Variants in CHST8 observed in about 807,000 individuals in gnomAD.
CHST8 encodes the protein carbohydrate sulfotransferase 8, also known as GALNAC-4-ST1.
CHST8 carries 10 observed loss-of-function variants against 15.0 expected under a neutral mutation model. The observed-to-expected ratio is 0.67, with a 90% CI of 0.41 to 1.13. The LOEUF is 1.13. CHST8 is among the 50% of genes most tolerant of loss of function. CHST8 has a pLI of 0.00. For missense variants in CHST8, 634 were observed against 608.2 expected (o/e 1.04, Z -0.45); for synonymous variants, 259 against 256.6 (o/e 1.01, Z -0.09).
chr19:33,728,903 T>C (rs1234137792), intron 3 of CHST8, among the ~76,000 whole-genome samples: 1 of 152,180 alleles, frequency 6.6e-6, no homozygotes, highest in Non-Finnish European at 1.5e-5. Context: ...GTGAGCTCCA[T>C]AGGGTGCTGC....
At chr19:33,655,354 T>A (rs1972498506) in intron 1 of CHST8, among the ~76,000 whole-genome samples, 1 of 152,174 alleles carries the variant, frequency 6.6e-6, no homozygotes, top group African/African-American at 2.4e-5. Flanking sequence ...TCCTTTTATT[T>A]AGGATTTTTG....
At chr19:33,730,439 C>T (rs772940858) in intron 3 of CHST8, among the ~76,000 whole-genome samples, 3 of 152,314 alleles carry the variant, frequency 2.0e-5, no homozygotes, top group South Asian at 2.1e-4. Context: ...ACAGGGACCA[C>T]GCTAAGCTCA....
chr19:33,644,300 A>G (rs1038223574), intron 1 of CHST8, among the ~76,000 whole-genome samples: 2 of 152,192 alleles, frequency 1.3e-5, no homozygotes, highest in African/African-American at 4.8e-5. Context: ...ATATTTATGG[A>G]GAACAAAGTG....
At chr19:33,697,180 C>T (rs969858147) in intron 3 of CHST8, among the ~76,000 whole-genome samples, 1 of 151,814 alleles carries the variant, frequency 6.6e-6, no homozygotes, top group African/African-American at 2.4e-5. Context: ...ATGTCCTGTG[C>T]CCACTTTTTG....
chr19:33,748,670 G>T (rs920211025), intron 3 of CHST8, among the ~76,000 whole-genome samples: 1 of 152,138 alleles, frequency 6.6e-6, no homozygotes, highest in Non-Finnish European at 1.5e-5. Flanking sequence ...GTCCTCTATT[G>T]CAGGAGACGC....
intron 3 of CHST8, among the ~76,000 whole-genome samples, chr19:33,727,658 C>G (rs1973926325): frequency 6.6e-6 from 1 of 152,188 alleles, no homozygotes; most frequent in African/African-American, 2.4e-5. Flanking sequence ...TTCCTCCAGG[C>G]CCCCCGGAAG....
chr19:33,729,806 G>A (rs746554337), intron 3 of CHST8, among the ~76,000 whole-genome samples: 7 of 152,222 alleles, frequency 4.6e-5, no homozygotes, highest in South Asian at 2.1e-4. Context: ...GTGGGCTGAA[G>A]GATAGAGATT....
Position 33,719,056 on chromosome 19 carries a change from T to A in CHST8, c.130+29665T>A, listed in dbSNP as rs577756592. ...CTCCCGGGACTGGGTGTGCCCAGCC[T>A]CCTCTCCCCCACCCCCCTGCCAGTG... is the stretch of plus-strand genomic sequence containing the variant. On this transcript the variant is annotated intron_variant, in intron 3 of 4. Transcript: ENST00000650847. Among the ~76,000 whole-genome samples, 13 of 151,894 alleles carry A rather than the reference T, an allele frequency of 8.6e-5. No homozygotes were observed. The East Asian group carries it at 2.5e-3, about 29-fold the overall frequency.
rs763630529 is a variant in CHST8, at chr19:33,771,486, C to T, written c.168+36C>T. On this transcript the variant is annotated intron_variant, in intron 4 of 4. Transcript: ENST00000650847. ...AGAGTCAGATAAATCTCAGTGCACA[C>T]AGCCCTTGGGAAACTGGGGAGGGCT... The T allele has an allele frequency of 8.7e-6, 14 of 1,608,408 alleles. 1 individual carries two copies. The highest frequency in any genetic ancestry group is 1.6e-4 in the Middle Eastern group (1 of 6,078).
At position 33,687,288 on chromosome 19, in the gene CHST8, C is replaced by G. The variant is rs150712958; in HGVS notation, c.-86-1888C>G. Among the ~76,000 whole-genome samples, 786 of 152,348 alleles carry G rather than the reference C, an allele frequency of 5.2e-3. 6 individuals are homozygous for G. Among genetic ancestry groups the G allele is most frequent in the African/African-American group, 0.017 (708 of 41,580 alleles). On this transcript the variant is annotated intron_variant, in intron 2 of 4. Coordinates refer to ENST00000650847, the MANE Select transcript of CHST8 (RefSeq NM_001127895.2). ...GTGAACCCCAGGTCCTCAGGATGGC[C>G]TCATCCAGGGCAGCCATGGAGAGAG...
chr19:33,643,378 CT>C (rs1972308255), intron 1 of CHST8, among the ~76,000 whole-genome samples: 1 of 152,146 alleles, frequency 6.6e-6, no homozygotes, highest in African/African-American at 2.4e-5. Flanking sequence ...AAAAAAAAGG[CT>C]TTTAACAAAT....
intron 1 of CHST8, among the ~76,000 whole-genome samples, chr19:33,645,711 T>C (rs1400866596): frequency 2.6e-5 from 4 of 152,192 alleles, no homozygotes; most frequent in Admixed American, 6.5e-5. Flanking sequence ...TGGTTGGATA[T>C]ACAAGTTTGG....
chr19:33,696,933 C>T (rs989964996), intron 3 of CHST8, among the ~76,000 whole-genome samples: 8 of 151,780 alleles, frequency 5.3e-5, no homozygotes, highest in African/African-American at 1.2e-4. Context: ...CTCTGCCTCC[C>T]GGGTTCAAGC....
At chr19:33,730,165 T>C (rs1973969176) in intron 3 of CHST8, among the ~76,000 whole-genome samples, 1 of 152,166 alleles carries the variant, frequency 6.6e-6, no homozygotes, top group Admixed American at 6.5e-5. Context: ...GATTGATGCT[T>C]AATTATAACT....
intron 1 of CHST8, among the ~76,000 whole-genome samples, chr19:33,657,156 C>CACACACACACAA (rs756944119): frequency 0.032 from 4,754 of 146,440 alleles, 87 homozygotes; most frequent in Non-Finnish European, 0.038. Context: ...CACACACACA[C>CACACACACACAA]AAACACACAT....
intron 2 of CHST8, among the ~76,000 whole-genome samples, chr19:33,679,604 G>A (rs924195125): frequency 6.6e-6 from 1 of 152,216 alleles, no homozygotes; most frequent in African/African-American, 2.4e-5. Flanking sequence ...TCAGACCTTC[G>A]TGTCTCAGTA....
intron 3 of CHST8, among the ~76,000 whole-genome samples, chr19:33,761,116 T>G (rs567537474): frequency 2.1e-4 from 32 of 152,294 alleles, no homozygotes; most frequent in African/African-American, 7.7e-4. Flanking sequence ...GGAGCGACAC[T>G]GGGTTGTGGG....
rs1291988395 is a variant in CHST8 at position 33,655,763 on chromosome 19, G to T, written c.-163-12004G>T. ...CTACTTATCTCTCTTTCTTATTAAT[G>T]TTGTTTTTTTTCTCTTTTCTTGGTT... is the stretch of plus-strand genomic sequence containing the variant. On this transcript the variant is annotated intron_variant, in intron 1 of 4. Transcript: ENST00000650847. 7.2e-5 allele frequency among the ~76,000 whole-genome samples: 11 copies of T among 151,806 alleles called. 1 individual carries two copies. In the East Asian group the frequency reaches 2.1e-3, roughly 29 times the overall value.
At chr19:33,653,037 A>T (rs1470598253) in intron 1 of CHST8, among the ~76,000 whole-genome samples, 1 of 152,212 alleles carries the variant, frequency 6.6e-6, no homozygotes, top group Non-Finnish European at 1.5e-5. Flanking sequence ...TTAAAAAATC[A>T]TTATTACTGT....
Sources: gnomAD v4.1 joint callset for allele counts (sites outside exome capture counted in the v4.1 genomes callset) on GRCh38, gnomAD v4.1.1 for gene constraint, MANE v1.5 for transcripts, NCBI Gene and HGNC (gene_info 2026-07-23, HGNC 2026-07-21) for gene names.